Variants in DDX60L observed in about 807,000 individuals in gnomAD.
DDX60L encodes the protein probable ATP-dependent RNA helicase DDX60-like.
Under a neutral mutation model 211.6 loss-of-function variants are expected in DDX60L, and 191 were observed. That is an observed-to-expected ratio of 0.90 (90% CI 0.80 to 1.02). The LOEUF is 1.02. Ranked by LOEUF, DDX60L falls within the 50% of genes least tolerant of loss-of-function variation. DDX60L has a pLI of 0.00. For missense variants in DDX60L, 2,007 were observed against 1,984.1 expected (o/e 1.01, Z -0.22); for synonymous variants, 706 against 694.1 (o/e 1.02, Z -0.27).
chr4:168,438,879 G>A (rs536277148), intron 10 of DDX60L, among the ~76,000 whole-genome samples: 9 of 152,264 alleles, frequency 5.9e-5, no homozygotes, highest in African/African-American at 1.7e-4. Flanking sequence ...TTGAAAATAC[G>A]TATATATTAA....
chr4:168,399,563 A>G (rs1248452092), intron 26 of DDX60L, among the ~76,000 whole-genome samples: 2 of 152,192 alleles, frequency 1.3e-5, no homozygotes, highest in Non-Finnish European at 2.9e-5. Flanking sequence ...CCATAACAGA[A>G]CAACCAGACC....
In DDX60L at chr4:168,368,180, G is replaced by A. The variant is rs866158345; in HGVS notation, c.4928+3432C>T. Reference sequence around the variant, plus strand: ...GGCAGACCCTCCCATCAGAGGTCTGGAAACCCAGGAGGAAAAAGTGGTTTC... The same window carrying A: ...GGCAGACCCTCCCATCAGAGGTCTGAAAACCCAGGAGGAAAAAGTGGTTTC... On this transcript the variant is annotated intron_variant, in intron 36 of 37. Transcript: ENST00000682922. 1.1e-4 allele frequency among the ~76,000 whole-genome samples: 16 copies of A among 152,224 alleles called. 1 individual carries two copies. The highest frequency in any genetic ancestry group is 5.2e-4 in the Admixed American group (8 of 15,282).
intron 9 of DDX60L, among the ~76,000 whole-genome samples, chr4:168,443,204 C>T (rs180961513): frequency 1.8e-4 from 27 of 150,770 alleles, no homozygotes; most frequent in Non-Finnish European, 2.4e-4. Flanking sequence ...AGCTGAAAAC[C>T]AAGGCTCAAG....
At chr4:168,364,272 A>G (rs1012647426) in intron 36 of DDX60L, among the ~76,000 whole-genome samples, 2 of 152,240 alleles carry the variant, frequency 1.3e-5, no homozygotes, top group Non-Finnish European at 2.9e-5. Context: ...TACTTATATC[A>G]GATAAAATGA....
At chr4:168,396,481 A>G (rs1745816266) in intron 26 of DDX60L, among the ~76,000 whole-genome samples, 1 of 152,100 alleles carries the variant, frequency 6.6e-6, no homozygotes, top group African/African-American at 2.4e-5. Flanking sequence ...CACAGTCTAG[A>G]ATTAGTTGGC....
Position 168,415,817 on chromosome 4 carries a change from CAT to C in DDX60L, c.2727-20_2727-19del. ...GCAGCCACCTTACAGAATAAACATG[CAT>C]ATAATTTAAATAAAATATAGAAGTA... On this transcript the variant is annotated intron_variant, in intron 20 of 37. Coordinates refer to ENST00000682922, the MANE Select transcript of DDX60L (RefSeq NM_001012967.3). The C allele has an allele frequency of 6.8e-7, 1 of 1,478,076 alleles. No homozygotes were observed. The allele number at this position is 1,478,076 out of a possible 1,614,324, so 91.6% of individuals were successfully genotyped here.
chr4:168,471,034 C>T (rs1489224), intron 4 of DDX60L, among the ~76,000 whole-genome samples: 8,520 of 152,078 alleles, frequency 0.056, 772 homozygotes, highest in African/African-American at 0.19. Context: ...ATACTATGCA[C>T]GTGCCAAAGA....
At position 168,371,757 on chromosome 4, in the gene DDX60L, G is replaced by A. The variant is rs764105915; in HGVS notation, c.4783C>T (p.Leu1595=). The A allele has an allele frequency of 9.4e-6, 15 of 1,599,280 alleles. No individual in the cohort carries two copies. The highest frequency in any genetic ancestry group is 1.3e-5 in the Non-Finnish European group (15 of 1,169,824). The change falls in exon 36 of 38, where the codon CTG becomes TTG. Residue 1595 remains leucine (L), a synonymous_variant. Coordinates refer to ENST00000682922, the MANE Select transcript of DDX60L (RefSeq NM_001012967.3). The part of the protein sequence containing the change: ...LRPETINQVI[L]RTVGVSGTQA... Reference sequence around the variant, plus strand: ...GTGCCACTAACACCGACTGTGCGCAGGATGACCTGAAGAAAGACATTTTCT... The same window carrying A: ...GTGCCACTAACACCGACTGTGCGCAAGATGACCTGAAGAAAGACATTTTCT...
At chr4:168,377,439 T>C (rs189109322) in intron 33 of DDX60L, among the ~76,000 whole-genome samples, 402 of 152,294 alleles carry the variant, frequency 2.6e-3, no homozygotes, top group African/African-American at 9.2e-3. Context: ...TTATAATCTC[T>C]TTTTGTAGCA....
At chr4:168,468,293 T>A (rs1015078365) in intron 4 of DDX60L, among the ~76,000 whole-genome samples, 3 of 152,098 alleles carry the variant, frequency 2.0e-5, no homozygotes, top group Admixed American at 6.6e-5. Flanking sequence ...AGGATATCTA[T>A]CATGACCAAC....
intron 30 of DDX60L, among the ~76,000 whole-genome samples, chr4:168,381,941 G>C: frequency 6.6e-6 from 1 of 152,264 alleles, no homozygotes; most frequent in African/African-American, 2.4e-5. Flanking sequence ...CTTCCTGGGA[G>C]AGTAATCAAA....
chr4:168,400,933 A>C lies in DDX60L; in HGVS notation c.3384T>G (p.Thr1128=), dbSNP rs1185219426. The C allele has an allele frequency of 6.2e-7, 1 of 1,613,768 alleles. No homozygotes were observed. Among genetic ancestry groups the C allele is most frequent in the Non-Finnish European group, 8.5e-7 (1 of 1,179,816 alleles). ...DVGKRAGSVC[T]FLEKTETKSH... The stretch of plus-strand genomic sequence containing the variant: ...TTTTTGTCTCTGTCTTCTCCAGAAA[A>C]GTGCACACACTTCCAGCTCTTTTTC... The change falls in exon 26 of 38, where the codon ACT becomes ACG. Residue 1128 remains threonine, a synonymous_variant. Transcript: ENST00000682922.
rs1469862184 is a variant in DDX60L at position 168,358,117 on chromosome 4, C to T, written c.*30G>A. ...TCTCCTTGCAAAGGGATAAATACCA[C>T]ATAATCAGACTTGAAAGTTTTCCAT... On this transcript the variant is annotated 3_prime_UTR_variant, in exon 38 of 38. Transcript: ENST00000682922. 1.9e-6 allele frequency: 3 copies of T among 1,589,126 alleles called. No individual in the cohort carries two copies. Among genetic ancestry groups the T allele is most frequent in the Non-Finnish European group, 2.6e-6 (3 of 1,162,646 alleles).
intron 22 of DDX60L, among the ~76,000 whole-genome samples, chr4:168,408,254 C>G (rs4692658): frequency 6.6e-6 from 1 of 151,964 alleles, no homozygotes. Context: ...TTTCCCGTCT[C>G]TAAAATGGGA....
intron 26 of DDX60L, among the ~76,000 whole-genome samples, chr4:168,398,483 T>C (rs1746214939): frequency 6.6e-6 from 1 of 152,110 alleles, no homozygotes; most frequent in African/African-American, 2.4e-5. Flanking sequence ...CTGGGTGCCA[T>C]GAACAGCAGC....
intron 19 of DDX60L, among the ~76,000 whole-genome samples, chr4:168,417,561 AAACT>A (rs764151023): frequency 2.0e-5 from 3 of 152,158 alleles, no homozygotes; most frequent in African/African-American, 4.8e-5. Context: ...ATCTTGGTGA[AAACT>A]AACTGATTTT....
intron 1 of DDX60L, among the ~76,000 whole-genome samples, chr4:168,476,948 T>C (rs1443870520): frequency 1.3e-5 from 2 of 152,184 alleles, no homozygotes; most frequent in African/African-American, 2.4e-5. Flanking sequence ...GGAACCACTA[T>C]ATGAAAGAAA....
intron 7 of DDX60L, among the ~76,000 whole-genome samples, chr4:168,453,772 T>C (rs893889772): frequency 1.3e-5 from 2 of 152,154 alleles, no homozygotes; most frequent in African/African-American, 2.4e-5. Context: ...AAGGTTGTCA[T>C]ATGGAAGGTT....
At chr4:168,431,423 T>C (rs1345121784) in intron 12 of DDX60L, among the ~76,000 whole-genome samples, 1 of 152,102 alleles carries the variant, frequency 6.6e-6, no homozygotes, top group Non-Finnish European at 1.5e-5. Context: ...CTTACATAAA[T>C]AGCTTATTCC....
Sources: allele counts gnomAD v4.1 joint callset (sites outside exome capture counted in the v4.1 genomes callset), GRCh38; gene constraint gnomAD v4.1.1; transcripts MANE v1.5; gene names NCBI Gene and HGNC (gene_info 2026-07-23, HGNC 2026-07-21).